The following MACROD1 variants were observed in gnomAD, a reference collection of about 807,000 sequenced individuals.
MACROD1 encodes mono-ADP ribosylhydrolase 1.
Under a neutral mutation model 41.4 loss-of-function variants are expected in MACROD1, and 31 were observed. The ratio of observed to expected loss-of-function variants is 0.75; its 90% CI spans 0.56 to 1.01. The LOEUF (loss-of-function observed/expected upper bound fraction) is 1.01. Ranked by LOEUF, MACROD1 falls within the 50% of genes least tolerant of loss-of-function variation. MACROD1 has a pLI of 0.00. For synonymous variants in MACROD1, 252 were observed against 203.4 expected (o/e 1.24, Z -2.03); for missense variants, 473 against 460.0 (o/e 1.03, Z -0.26).
intron 3 of MACROD1, among the ~76,000 whole-genome samples, chr11:64,151,014 T>C (rs577321462): frequency 5.3e-5 from 8 of 152,268 alleles, no homozygotes; most frequent in African/African-American, 1.4e-4. Context: ...CGGCCACTAA[T>C]GGGTCTCAGT....
At chr11:64,128,259 C>A (rs116494897) in intron 3 of MACROD1, among the ~76,000 whole-genome samples, 1 of 152,188 alleles carries the variant, frequency 6.6e-6, no homozygotes, top group East Asian at 1.9e-4. Flanking sequence ...ACAGTGGGTG[C>A]CCAGGAGGGG....
chr11:64,038,868 G>A (rs1377782699), intron 3 of MACROD1, among the ~76,000 whole-genome samples: 1 of 152,166 alleles, frequency 6.6e-6, no homozygotes, highest in Non-Finnish European at 1.5e-5. Flanking sequence ...GCTAACCTTC[G>A]GCAAGTGACC....
Position 64,082,730 on chromosome 11 carries a change from C to T in MACROD1, c.518-67449G>A, listed in dbSNP as rs377213825. 1.3e-5 allele frequency among the ~76,000 whole-genome samples: 2 copies of T among 152,266 alleles called. No individual in the cohort carries two copies. Among genetic ancestry groups the T allele is most frequent in the East Asian group, 3.9e-4 (2 of 5,174 alleles). On this transcript the variant is annotated intron_variant, in intron 3 of 10. Coordinates refer to ENST00000255681, the MANE Select transcript of MACROD1 (RefSeq NM_014067.4). This position sits in a 1 kb window ranked among gnomAD's most constrained non-coding sequence, Gnocchi z 4.5. ...CACACAAGGAATGTGGAGCATCCTCCTGAGAGGACTCAGAGGGGATTCCTG... is the reference window on the plus strand; with the variant it reads ...CACACAAGGAATGTGGAGCATCCTCTTGAGAGGACTCAGAGGGGATTCCTG...
At chr11:64,114,105 T>A (rs950875785) in intron 3 of MACROD1, among the ~76,000 whole-genome samples, 1 of 150,044 alleles carries the variant, frequency 6.7e-6, no homozygotes, top group Non-Finnish European at 1.5e-5. Flanking sequence ...GACAGGTGGA[T>A]GCATGGATGG....
chr11:64,097,083 G>A (rs1336212573), intron 3 of MACROD1, among the ~76,000 whole-genome samples: 1 of 152,222 alleles, frequency 6.6e-6, no homozygotes, highest in Non-Finnish European at 1.5e-5. Flanking sequence ...CGGGGATGGC[G>A]GTGCCCACTG....
chr11:64,101,155 A>C (rs1944663801), intron 3 of MACROD1, among the ~76,000 whole-genome samples: 1 of 152,014 alleles, frequency 6.6e-6, no homozygotes, highest in African/African-American at 2.4e-5. Flanking sequence ...GGGAGGGATG[A>C]CGTCTGCATG....
At position 64,067,270 on chromosome 11, in the gene MACROD1, G is replaced by C. The variant is rs12798428; in HGVS notation, c.518-51989C>G. ...TCCCACCTGTGCGGCACGAGAGGGAGGGAAGGAGCATCATTAACACGACAT... is the reference window on the plus strand; with the variant it reads ...TCCCACCTGTGCGGCACGAGAGGGACGGAAGGAGCATCATTAACACGACAT... On this transcript the variant is annotated intron_variant, in intron 3 of 10. Coordinates refer to ENST00000255681, the MANE Select transcript of MACROD1 (RefSeq NM_014067.4). This position sits in a 1 kb window ranked among gnomAD's most constrained non-coding sequence, Gnocchi z 4.6. Among the ~76,000 whole-genome samples the C allele has an allele frequency of 0.021, 3,155 of 152,248 alleles. 65 individuals are homozygous for C. The highest frequency in any genetic ancestry group is 0.027 in the Non-Finnish European group (1,861 of 68,018).
At chr11:64,088,869 C>T (rs555712570) in intron 3 of MACROD1, among the ~76,000 whole-genome samples, 12 of 152,132 alleles carry the variant, frequency 7.9e-5, no homozygotes, top group South Asian at 2.1e-4. Flanking sequence ...GGATCGCAGG[C>T]GGAATCGGGT....
At chr11:64,127,257 T>C (rs986634669) in intron 3 of MACROD1, among the ~76,000 whole-genome samples, 6 of 152,282 alleles carry the variant, frequency 3.9e-5, no homozygotes, top group Non-Finnish European at 8.8e-5. Flanking sequence ...TGCCTTGTTC[T>C]TTCTTGAAAT....
chr11:64,090,444 GATA>G lies in MACROD1; in HGVS notation c.517+60792_517+60794del, dbSNP rs139401304. ...CCTCCAGCCCGGGCAGCAGTGGGTC[GATA>G]ATAATTTACGAGGCAGCCCCTGAGG... On this transcript the variant is annotated intron_variant, in intron 3 of 10. Coordinates refer to ENST00000255681, the MANE Select transcript of MACROD1 (RefSeq NM_014067.4). This position sits in a 1 kb window ranked among gnomAD's most constrained non-coding sequence, Gnocchi z 4.7. Among the ~76,000 whole-genome samples, 289 of 152,300 alleles carry G rather than the reference GATA, an allele frequency of 1.9e-3. No homozygotes were observed. Among genetic ancestry groups the G allele is most frequent in the Non-Finnish European group, 3.0e-3 (201 of 68,006 alleles).
intron 3 of MACROD1, among the ~76,000 whole-genome samples, chr11:64,091,618 C>T (rs1439470639): frequency 6.6e-6 from 1 of 152,124 alleles, no homozygotes; most frequent in African/African-American, 2.4e-5. Flanking sequence ...AGGACGTTGC[C>T]GCCACCATCC....
chr11:64,058,403 T>TGG (rs36076587), intron 3 of MACROD1, among the ~76,000 whole-genome samples: 17 of 151,276 alleles, frequency 1.1e-4, no homozygotes, highest in African/African-American at 3.9e-4. Context: ...GAGGAGGGCT[T>TGG]GGGGGGGGGT....
At position 64,122,808 on chromosome 11, in the gene MACROD1, G is replaced by A. The variant is rs535015903; in HGVS notation, c.517+28431C>T. Among the ~76,000 whole-genome samples, 70 of 152,282 alleles carry A rather than the reference G, an allele frequency of 4.6e-4. 1 individual carries two copies. Among genetic ancestry groups the A allele is most frequent in the Admixed American group, 1.2e-3 (19 of 15,310 alleles). ...GAGGGATCCCTGAAGGGTTGGAGGG[G>A]CTGGTCAGGGCCTGAGCAGAGGACA... On this transcript the variant is annotated intron_variant, in intron 3 of 10. Coordinates refer to ENST00000255681, the MANE Select transcript of MACROD1 (RefSeq NM_014067.4). This position sits in a 1 kb window ranked among gnomAD's most constrained non-coding sequence, Gnocchi z 4.0.
At chr11:64,074,419 T>G (rs1283010256) in intron 3 of MACROD1, among the ~76,000 whole-genome samples, 1 of 152,106 alleles carries the variant, frequency 6.6e-6, no homozygotes, top group African/African-American at 2.4e-5. Flanking sequence ...AGGGGTGTGG[T>G]CCACCCACAG....
chr11:64,051,297 G>A (rs998052595), intron 3 of MACROD1, among the ~76,000 whole-genome samples: 1 of 152,218 alleles, frequency 6.6e-6, no homozygotes, highest in Non-Finnish European at 1.5e-5. Context: ...TTTTGAAGTA[G>A]CTCTGGGCAG....
chr11:64,020,744 G>C (rs1943142456), intron 3 of MACROD1, among the ~76,000 whole-genome samples: 1 of 151,800 alleles, frequency 6.6e-6, no homozygotes, highest in African/African-American at 2.4e-5. Context: ...TTTTGGAAAT[G>C]AAGTCTCACT....
chr11:64,013,180 G>A (rs933316299), intron 4 of MACROD1, among the ~76,000 whole-genome samples: 14 of 152,178 alleles, frequency 9.2e-5, no homozygotes, highest in Non-Finnish European at 1.9e-4. Flanking sequence ...ATTTTCAGGG[G>A]GTAGAAGACA....
At chr11:64,018,441 G>A (rs1163082240) in intron 3 of MACROD1, among the ~76,000 whole-genome samples, 2 of 152,190 alleles carry the variant, frequency 1.3e-5, no homozygotes, top group African/African-American at 4.8e-5. Context: ...AGCTGGGCCA[G>A]GCTGTGCAGG....
chr11:64,127,097 C>T (rs752946873), intron 3 of MACROD1, among the ~76,000 whole-genome samples: 5 of 152,330 alleles, frequency 3.3e-5, no homozygotes, highest in East Asian at 1.9e-4. Context: ...CCCACCACCA[C>T]GACAACAACA....
Sources: allele counts gnomAD v4.1 joint callset (sites outside exome capture counted in the v4.1 genomes callset), GRCh38; gene constraint gnomAD v4.1.1; non-coding constraint Gnocchi (gnomAD v3.1); transcripts MANE v1.5; gene names NCBI Gene and HGNC (gene_info 2026-07-23, HGNC 2026-07-21).